Variants in SH3GLB1 observed in about 807,000 individuals in gnomAD.
SH3GLB1 encodes the protein SH3 domain containing GRB2 like, endophilin B1.
In SH3GLB1, 17 loss-of-function variants were observed where a neutral mutation model predicts 42.0. That is an observed-to-expected ratio of 0.40 (90% CI 0.28 to 0.61). The LOEUF (loss-of-function observed/expected upper bound fraction) is 0.61. SH3GLB1 is among the 20% of genes least tolerant of loss of function. The pLI, the probability that SH3GLB1 is intolerant of heterozygous loss-of-function variation, is 0.36. For missense variants in SH3GLB1, 355 were observed against 426.3 expected (o/e 0.83, Z 1.47); for synonymous variants, 132 against 146.6 (o/e 0.90, Z 0.72).
rs559710776 is a variant in SH3GLB1 at position 86,706,764 on chromosome 1, A to G, written c.72+1793A>G. ...ATACAGTTAAATATGTTTCAGACGT[A>G]TAACTCACACCCCTTAAAGAGGACA... On this transcript the variant is annotated intron_variant, in intron 1 of 8. Coordinates refer to ENST00000370558, the MANE Select transcript of SH3GLB1 (RefSeq NM_016009.5). 4.6e-5 allele frequency among the ~76,000 whole-genome samples: 7 copies of G among 152,368 alleles called. No homozygotes were observed. The East Asian group carries it at 9.6e-4, about 21-fold the overall frequency.
At chr1:86,715,604 G>C in intron 1 of SH3GLB1, 120 bp from the exon 2 acceptor site, 1 of 1,022,442 alleles carries the variant, frequency 9.8e-7, no homozygotes, top group South Asian at 1.8e-5. Flanking sequence ...TTACAAAGCT[G>C]GAGCATGGTT....
At chr1:86,716,304 T>C (rs1200502194) in intron 2 of SH3GLB1, among the ~76,000 whole-genome samples, 2 of 152,190 alleles carry the variant, frequency 1.3e-5, no homozygotes, top group Non-Finnish European at 2.9e-5. Context: ...AGACAGAGTC[T>C]CGCCCTGTCG....
chr1:86,729,597 A>G (rs573783153), intron 5 of SH3GLB1, among the ~76,000 whole-genome samples: 1 of 152,210 alleles, frequency 6.6e-6, no homozygotes, highest in African/African-American at 2.4e-5. Flanking sequence ...TTCATTAATC[A>G]TTTGTGTTTA....
At chr1:86,740,952 A>G (rs1656030038) in intron 7 of SH3GLB1, among the ~76,000 whole-genome samples, 1 of 152,114 alleles carries the variant, frequency 6.6e-6, no homozygotes, top group Admixed American at 6.5e-5. Flanking sequence ...TAGATGGAGA[A>G]AATGTAATAT....
intron 8 of SH3GLB1, 118 bp downstream of exon 8, chr1:86,742,554 GTTATA>G: frequency 3.4e-6 from 2 of 595,820 alleles, no homozygotes; most frequent in Non-Finnish European, 2.8e-6. Context: ...ATTACAGATA[GTTATA>G]TTAACATAAA....
intron 7 of SH3GLB1, among the ~76,000 whole-genome samples, chr1:86,738,957 C>G (rs1032870569): frequency 6.6e-6 from 1 of 152,122 alleles, no homozygotes; most frequent in South Asian, 2.1e-4. Flanking sequence ...AGTTTTTGAC[C>G]TAAGTAACTG....
chr1:86,722,766 G>A, intron 4 of SH3GLB1, 93 bp downstream of exon 4: 2 of 1,018,156 alleles, frequency 2.0e-6, no homozygotes, highest in Non-Finnish European at 2.8e-6. Context: ...CTGTGTAGAT[G>A]TAGTGGATTA....
intron 7 of SH3GLB1, among the ~76,000 whole-genome samples, chr1:86,738,459 G>C (rs925285644): frequency 6.6e-6 from 1 of 151,914 alleles, no homozygotes; most frequent in Non-Finnish European, 1.5e-5. Flanking sequence ...TAGAGACAGG[G>C]TTTCACCGTG....
chr1:86,715,649 G>A, intron 1 of SH3GLB1, 75 bp from the exon 2 acceptor site: 1 of 1,406,094 alleles, frequency 7.1e-7, no homozygotes, highest in South Asian at 1.4e-5. Context: ...CTTTGAATTT[G>A]CTTTTTACTT....
intron 7 of SH3GLB1, among the ~76,000 whole-genome samples, chr1:86,741,619 A>G (rs1656061125): frequency 6.6e-6 from 1 of 152,082 alleles, no homozygotes; most frequent in African/African-American, 2.4e-5. Flanking sequence ...CCTTCTCACT[A>G]TGTGTATGTC....
At chr1:86,731,378 AG>A (rs1374743148) in intron 5 of SH3GLB1, among the ~76,000 whole-genome samples, 1 of 152,114 alleles carries the variant, frequency 6.6e-6, no homozygotes, top group African/African-American at 2.4e-5. Context: ...TTTTATGCAT[AG>A]GTTATAGAGC....
chr1:86,712,792 T>C (rs1438042263), intron 1 of SH3GLB1, among the ~76,000 whole-genome samples: 1 of 152,082 alleles, frequency 6.6e-6, no homozygotes, highest in Non-Finnish European at 1.5e-5. Flanking sequence ...TAATTGTGTG[T>C]GTTTGTAGAA....
In SH3GLB1 at chr1:86,746,938, T is replaced by G. The variant is rs1570311249; in HGVS notation, c.*3703T>G. 1 of 152,380 alleles carries G rather than the reference T, an allele frequency of 6.6e-6. No individual in the cohort carries two copies. Among genetic ancestry groups the G allele is most frequent in the African/African-American group, 2.4e-5 (1 of 41,438 alleles). The allele number at this position is 152,380 out of a possible 1,614,324, so 9.4% of individuals were successfully genotyped here. A position where few individuals can be genotyped will look rare whatever the true frequency, so the allele number is the denominator to read the frequency against. On this transcript the variant is annotated 3_prime_UTR_variant, in exon 9 of 9. Coordinates refer to ENST00000370558, the MANE Select transcript of SH3GLB1 (RefSeq NM_016009.5). ...GTGTGAGACCCCAGACCGGCAATATTGGCATCTCCTGGAGACTTGTTTAAA... is the reference window on the plus strand; with the variant it reads ...GTGTGAGACCCCAGACCGGCAATATGGGCATCTCCTGGAGACTTGTTTAAA...
intron 7 of SH3GLB1, among the ~76,000 whole-genome samples, chr1:86,737,441 A>G (rs899663784): frequency 7.9e-5 from 12 of 152,348 alleles, no homozygotes; most frequent in African/African-American, 2.9e-4. Context: ...ATACATATTC[A>G]TATAAATAGA....
intron 4 of SH3GLB1, among the ~76,000 whole-genome samples, chr1:86,723,883 T>A (rs1290485471): frequency 2.0e-5 from 3 of 152,146 alleles, no homozygotes; most frequent in Non-Finnish European, 4.4e-5. Context: ...ACTAATGACG[T>A]TTTGGGCTGC....
At chr1:86,715,405 A>G (rs1448452411) in intron 1 of SH3GLB1, among the ~76,000 whole-genome samples, 1 of 152,204 alleles carries the variant, frequency 6.6e-6, no homozygotes, top group Non-Finnish European at 1.5e-5. Context: ...ATCCTAGTCT[A>G]CCTAGGATAG....
chr1:86,728,177 G>A (rs1447454697), intron 5 of SH3GLB1, among the ~76,000 whole-genome samples: 1 of 151,846 alleles, frequency 6.6e-6, no homozygotes, highest in Non-Finnish European at 1.5e-5. Flanking sequence ...TTAAAGTCAA[G>A]CATCAACATA....
At chr1:86,722,397 T>C (rs1654917084) in intron 3 of SH3GLB1, 143 bp from the exon 4 acceptor site, 1 of 627,752 alleles carries the variant, frequency 1.6e-6, no homozygotes, top group Non-Finnish European at 2.7e-6. Flanking sequence ...ACTACCTTAA[T>C]TACAGTTAAT....
rs1184882652 is a variant in SH3GLB1, at chr1:86,747,305, T to C, written c.*4070T>C. Reference sequence around the variant, plus strand: ...TGAATGAAAGAAAAATGCAAATTTATAAGCCTTTTCAGAGACCTACTGAAT... The same window carrying C: ...TGAATGAAAGAAAAATGCAAATTTACAAGCCTTTTCAGAGACCTACTGAAT... On this transcript the variant is annotated 3_prime_UTR_variant, in exon 9 of 9. Transcript: ENST00000370558. The C allele has an allele frequency of 1.3e-5, 2 of 152,656 alleles. No individual in the cohort carries two copies. Among genetic ancestry groups the C allele is most frequent in the Non-Finnish European group, 2.9e-5 (2 of 68,048 alleles). 9.5% of individuals were successfully genotyped at this position (152,656 alleles called of 1,614,324 possible). A position where few individuals can be genotyped will look rare whatever the true frequency, so the allele number is the denominator to read the frequency against.
Sources: allele counts gnomAD v4.1 joint callset (sites outside exome capture counted in the v4.1 genomes callset), GRCh38; gene constraint gnomAD v4.1.1; transcripts MANE v1.5; gene names NCBI Gene and HGNC (gene_info 2026-07-23, HGNC 2026-07-21).